The following GRAMD2A variants were observed in gnomAD, a reference collection of about 807,000 sequenced individuals.
GRAMD2A encodes GRAM domain containing 2A, also known as GRAM domain-containing protein 2A.
A neutral mutation model predicts 51.1 loss-of-function variants in GRAMD2A; 37 were observed. The observed-to-expected ratio is 0.72, with a 90% CI of 0.56 to 0.95. GRAMD2A has a LOEUF of 0.95. Among genes scored for constraint, GRAMD2A ranks in the 40% least tolerant of loss-of-function variants. GRAMD2A has a pLI of 0.00. For synonymous variants in GRAMD2A, 136 were observed against 157.1 expected (o/e 0.87, Z 1.01); for missense variants, 414 against 426.9 (o/e 0.97, Z 0.27).
intron 2 of GRAMD2A, chr15:72,169,395 G>A (rs2140547810): frequency 2.1e-6 from 1 of 482,970 alleles, no homozygotes; most frequent in South Asian, 1.6e-5. Flanking sequence ...GGGTGTGGGT[G>A]AGGTGAAGGT....
intron 1 of GRAMD2A, among the ~76,000 whole-genome samples, chr15:72,192,671 G>C (rs2081776647): frequency 6.6e-6 from 1 of 152,220 alleles, no homozygotes; most frequent in Non-Finnish European, 1.5e-5. Flanking sequence ...ATGTACAGAT[G>C]TTAGGAGGAA....
At chr15:72,188,636 A>G (rs972627761) in intron 1 of GRAMD2A, among the ~76,000 whole-genome samples, 6 of 151,974 alleles carry the variant, frequency 3.9e-5, no homozygotes, top group African/African-American at 1.2e-4. Flanking sequence ...GGATTTTTAC[A>G]TGTTTTTTTG....
At chr15:72,175,536 T>C (rs1030711822) in intron 1 of GRAMD2A, among the ~76,000 whole-genome samples, 1 of 152,232 alleles carries the variant, frequency 6.6e-6, no homozygotes, top group African/African-American at 2.4e-5. Flanking sequence ...TTTGCCTGCA[T>C]ACCTGCTTAC....
chr15:72,192,897 G>T (rs538849696), intron 1 of GRAMD2A, among the ~76,000 whole-genome samples: 20 of 152,216 alleles, frequency 1.3e-4, no homozygotes, highest in African/African-American at 4.8e-4. Flanking sequence ...GGCCAAGGTG[G>T]GCGGATCACC....
intron 1 of GRAMD2A, among the ~76,000 whole-genome samples, chr15:72,178,869 C>T (rs904256920): frequency 1.3e-5 from 2 of 151,464 alleles, no homozygotes; most frequent in Admixed American, 6.6e-5. Flanking sequence ...CCACCCGGCC[C>T]GGCTGTCTTG....
rs765265525 is a variant in GRAMD2A at position 72,168,475 on chromosome 15, C to A, written c.268+16G>T. On this transcript the variant is annotated intron_variant, in intron 4 of 11. Transcript: ENST00000309731. ...CACTCTGGGTGCCTAACCAGCTATA[C>A]CGGGAGACAGCTCACCTTTGAGAAC... is the stretch of plus-strand genomic sequence containing the variant. The A allele has an allele frequency of 2.5e-6, 4 of 1,606,014 alleles. No homozygotes were observed. Among genetic ancestry groups the A allele is most frequent in the South Asian group, 1.1e-5 (1 of 90,862 alleles).
intron 1 of GRAMD2A, among the ~76,000 whole-genome samples, chr15:72,195,897 G>A (rs2081801949): frequency 6.6e-6 from 1 of 152,120 alleles, no homozygotes; most frequent in Admixed American, 6.5e-5. Context: ...TCCAGCCTGG[G>A]TAACAAGAGC....
intron 5 of GRAMD2A, 81 bp downstream of exon 5, chr15:72,167,655 G>A: frequency 9.4e-7 from 1 of 1,065,586 alleles, no homozygotes; most frequent in Non-Finnish European, 1.5e-6. Flanking sequence ...AGAGAGATAG[G>A]CATGACTTTG....
chr15:72,197,143 C>T (rs1172779722), intron 1 of GRAMD2A, among the ~76,000 whole-genome samples: 1 of 152,188 alleles, frequency 6.6e-6, no homozygotes, highest in Non-Finnish European at 1.5e-5. Context: ...GGTCTCGAGG[C>T]CGGGAGACCG....
Position 72,169,940 on chromosome 15 carries a change from C to G in GRAMD2A, c.42-1G>C. The G allele has an allele frequency of 1.2e-6, 2 of 1,613,406 alleles. No individual in the cohort carries two copies. The highest frequency in any genetic ancestry group is 1.7e-6 in the Non-Finnish European group (2 of 1,179,328). ...TGTCTTTCTGTGCATTTGTTGGTTG[C>G]TAGGGAAAAACAGGCCCATATCAGG... On this transcript the variant is annotated splice_acceptor_variant, in intron 1 of 11. Transcript: ENST00000309731. LOFTEE classifies it high-confidence loss of function.
At chr15:72,162,622 G>A (rs79848896) in intron 10 of GRAMD2A, 28 of 395,220 alleles carry the variant, frequency 7.1e-5, no homozygotes, top group East Asian at 2.0e-4. Context: ...GCTGAGCTCT[G>A]GGGGGAGCTC....
intron 9 of GRAMD2A, 62 bp from the exon 10 acceptor site, chr15:72,163,538 C>CT: frequency 6.3e-7 from 1 of 1,598,304 alleles, no homozygotes; most frequent in Non-Finnish European, 8.5e-7. Context: ...GTGGTGAGCC[C>CT]TTTTTATGGA....
chr15:72,177,286 A>C (rs1024953755), intron 1 of GRAMD2A, among the ~76,000 whole-genome samples: 2 of 152,212 alleles, frequency 1.3e-5, no homozygotes, highest in African/African-American at 4.8e-5. Flanking sequence ...AGTATTATTT[A>C]CATATAGAAA....
At position 72,170,584 on chromosome 15, in the gene GRAMD2A, G is replaced by A. The variant is rs1463736545; in HGVS notation, c.42-645C>T. Among the ~76,000 whole-genome samples, 1 of 152,174 alleles carries A rather than the reference G, an allele frequency of 6.6e-6. No homozygotes were observed. Among genetic ancestry groups the A allele is most frequent in the Non-Finnish European group, 1.5e-5 (1 of 68,032 alleles). On this transcript the variant is annotated intron_variant, in intron 1 of 11. Transcript: ENST00000309731. This position sits in a 1 kb window ranked among gnomAD's most constrained non-coding sequence, Gnocchi z 4.5. ...AAAAATGTCCCTGAGGGAGAGCGTA[G>A]GAGGGAACAGATCCTCTCTCCCTGG...
chr15:72,167,505 C>T (rs908439034), intron 5 of GRAMD2A, among the ~76,000 whole-genome samples: 4 of 152,254 alleles, frequency 2.6e-5, no homozygotes, highest in Non-Finnish European at 4.4e-5. Flanking sequence ...GTGAACTGTT[C>T]AGGCCAGCTC....
chr15:72,195,793 G>A (rs1204269788), intron 1 of GRAMD2A, among the ~76,000 whole-genome samples: 1 of 151,682 alleles, frequency 6.6e-6, no homozygotes, highest in Non-Finnish European at 1.5e-5. Flanking sequence ...GGTGGCGCAT[G>A]CCTGTAATCC....
chr15:72,171,393 A>T (rs1341475091), intron 1 of GRAMD2A, among the ~76,000 whole-genome samples: 1 of 152,164 alleles, frequency 6.6e-6, no homozygotes, highest in Non-Finnish European at 1.5e-5. Flanking sequence ...AAAATGTATG[A>T]TAAACATATA....
intron 1 of GRAMD2A, among the ~76,000 whole-genome samples, chr15:72,193,583 C>T (rs1037233772): frequency 4.0e-5 from 6 of 149,782 alleles, no homozygotes; most frequent in South Asian, 2.1e-4. Context: ...AGTACAGTGG[C>T]GTGATCTCTG....
Position 72,161,985 on chromosome 15 carries a change from A to G in GRAMD2A, c.*24T>C. ...CCAGAACATTCTTCTTGGAGAAGGA[A>G]TGGGGACAAAGGCCAAGTGGCTGTT... On this transcript the variant is annotated 3_prime_UTR_variant, in exon 12 of 12. Coordinates refer to ENST00000309731, the MANE Select transcript of GRAMD2A (RefSeq NM_001012642.3). 6.2e-7 allele frequency: 1 copy of G among 1,613,790 alleles called. No homozygotes were observed. Among genetic ancestry groups the G allele is most frequent in the Non-Finnish European group, 8.5e-7 (1 of 1,179,686 alleles).
Sources: allele counts gnomAD v4.1 joint callset (sites outside exome capture counted in the v4.1 genomes callset), GRCh38; gene constraint gnomAD v4.1.1; non-coding constraint Gnocchi (gnomAD v3.1); transcripts MANE v1.5; gene names NCBI Gene and HGNC (gene_info 2026-07-23, HGNC 2026-07-21).